The following SLC35D1 variants were observed in gnomAD, a reference collection of about 807,000 sequenced individuals.
The protein encoded by SLC35D1 is nucleotide sugar transporter SLC35D1.
In SLC35D1, 31 loss-of-function variants were observed where a neutral mutation model predicts 46.7. That is an observed-to-expected ratio of 0.66 (90% confidence interval 0.50 to 0.90). The LOEUF (loss-of-function observed/expected upper bound fraction) is 0.90, where lower values mean the gene tolerates loss of function less well. Ranked by LOEUF, SLC35D1 falls within the 40% of genes least tolerant of loss-of-function variation. SLC35D1 has a pLI of 0.00. For missense variants in SLC35D1, 397 were observed against 426.2 expected (o/e 0.93, Z 0.60); for synonymous variants, 195 against 164.6 (o/e 1.18, Z -1.41).
At chr1:66,975,284 T>G in the SLC35D1 span, among the ~76,000 whole-genome samples, 1 of 152,178 alleles carries the variant, frequency 6.6e-6, no homozygotes, top group Non-Finnish European at 1.5e-5. Flanking sequence ...CTCAGTACTT[T>G]GGGAGGTTGA....
the SLC35D1 span, among the ~76,000 whole-genome samples, chr1:66,979,846 C>T: frequency 6.6e-6 from 1 of 151,854 alleles, no homozygotes; most frequent in Non-Finnish European, 1.5e-5. Context: ...CTCACTGCAA[C>T]CTCCACCGCC....
At chr1:66,976,768 G>A in the SLC35D1 span, 1 of 1,429,520 alleles carries the variant, frequency 7.0e-7, no homozygotes, top group East Asian at 2.5e-5. Context: ...TTTTTGCTAA[G>A]CTTTTCTAGA....
chr1:66,985,011 A>G, the SLC35D1 span: 1 of 1,423,030 alleles, frequency 7.0e-7, no homozygotes, highest in East Asian at 2.6e-5. Context: ...TGAAAATTTG[A>G]ATTGAGTCTT....
the SLC35D1 span, chr1:66,976,539 A>C: frequency 6.5e-5 from 98 of 1,497,248 alleles, no homozygotes; most frequent in African/African-American, 1.2e-3. Flanking sequence ...GATGTTTATC[A>C]TGAAGTAACT....
At chr1:67,022,380 CCCTGTGGCTTATAAAACATA>C (rs1667825114) in intron 8 of SLC35D1, among the ~76,000 whole-genome samples, 1 of 152,178 alleles carries the variant, frequency 6.6e-6, no homozygotes, top group African/African-American at 2.4e-5. Context: ...ATACCAGGCT[CCCTGTGGCTTATAAAACATA>C]CCATACACTT....
the SLC35D1 span, among the ~76,000 whole-genome samples, chr1:66,977,683 A>G: frequency 3.1e-4 from 47 of 152,314 alleles, no homozygotes; most frequent in Admixed American, 2.0e-3. Flanking sequence ...TTTGTTACTT[A>G]AACAGAAAAG....
intron 5 of SLC35D1, 150 bp from the exon 6 acceptor site, chr1:67,050,000 T>C (rs1334699009): frequency 2.9e-6 from 2 of 679,448 alleles, no homozygotes; most frequent in Non-Finnish European, 5.1e-6. Flanking sequence ...AAGAACCCCT[T>C]TGATAAAGCA....
the SLC35D1 span, among the ~76,000 whole-genome samples, chr1:66,992,221 C>A: frequency 6.6e-6 from 1 of 152,124 alleles, no homozygotes. Context: ...TTTTCAGAGC[C>A]CTGTGGATTT....
At chr1:66,997,118 T>C (rs1014538782), downstream of SLC35D1, among the ~76,000 whole-genome samples, 2 of 152,090 alleles carry the variant, frequency 1.3e-5, no homozygotes, top group South Asian at 2.1e-4. Flanking sequence ...CTGGACTACA[T>C]ACAAATTTAG....
the SLC35D1 span, among the ~76,000 whole-genome samples, chr1:66,973,584 A>C: frequency 1.3e-5 from 2 of 152,032 alleles, no homozygotes; most frequent in Admixed American, 1.3e-4. Flanking sequence ...TTATACTCCA[A>C]ATAGCTTTAT....
At chr1:67,053,473 G>C (rs1645333550) in intron 1 of SLC35D1, among the ~76,000 whole-genome samples, 1 of 152,162 alleles carries the variant, frequency 6.6e-6, no homozygotes. Context: ...CTCCCTGATC[G>C]ACAGGCATAA....
chr1:67,010,892 T>C (rs1210139803), intron 10 of SLC35D1, among the ~76,000 whole-genome samples: 2 of 137,386 alleles, frequency 1.5e-5, no homozygotes, highest in Non-Finnish European at 3.2e-5. Context: ...GTGAGGGAAA[T>C]TTACATTTGT....
the SLC35D1 span, among the ~76,000 whole-genome samples, chr1:66,977,597 C>A: frequency 6.6e-6 from 1 of 151,954 alleles, no homozygotes; most frequent in African/African-American, 2.4e-5. Context: ...CTAATTTATT[C>A]CCATGTTAAG....
At chr1:66,992,656 T>C in the SLC35D1 span, among the ~76,000 whole-genome samples, 1 of 152,268 alleles carries the variant, frequency 6.6e-6, no homozygotes, top group African/African-American at 2.4e-5. Context: ...GGCTTAACCC[T>C]TGTCCAGTCA....
At chr1:66,975,374 A>C in the SLC35D1 span, among the ~76,000 whole-genome samples, 1 of 151,940 alleles carries the variant, frequency 6.6e-6, no homozygotes, top group Non-Finnish European at 1.5e-5. Flanking sequence ...AAAAAATAGA[A>C]AAATTACCTG....
chr1:66,986,133 GAA>G, the SLC35D1 span: 50 of 1,138,548 alleles, frequency 4.4e-5, no homozygotes, highest in Middle Eastern at 2.3e-3. Flanking sequence ...TTTATGAAGA[GAA>G]AGTGAAGTTT....
the SLC35D1 span, chr1:66,985,837 T>A: frequency 3.1e-4 from 195 of 630,314 alleles, no homozygotes; most frequent in African/African-American, 4.7e-4. Flanking sequence ...TTTTTTTTTT[T>A]AAATTTCTAC....
chr1:67,012,545 CAAAAA>C lies in SLC35D1; in HGVS notation c.877-3383_877-3379del, dbSNP rs10674963. ...GATCCTTTAAATTAGACTCCTAAAT[CAAAAA>C]AAAAAAAAAAAAAAAAAATTTAAGA... is the stretch of plus-strand genomic sequence containing the variant. On this transcript the variant is annotated intron_variant, in intron 10 of 11. Coordinates refer to ENST00000235345, the MANE Select transcript of SLC35D1 (RefSeq NM_015139.3). 3.3e-3 allele frequency among the ~76,000 whole-genome samples: 342 copies of C among 103,194 alleles called. 2 individuals are homozygous for C. Among genetic ancestry groups the C allele is most frequent in the African/African-American group, 9.2e-3 (278 of 30,172 alleles). The allele number at this position is 103,194 out of a possible 152,430, so 67.7% of individuals were successfully genotyped here. A position where few individuals can be genotyped will look rare whatever the true frequency, so the allele number is the denominator to read the frequency against.
chr1:67,017,185 G>A (rs1371996280), intron 10 of SLC35D1, among the ~76,000 whole-genome samples: 1 of 151,992 alleles, frequency 6.6e-6, no homozygotes, highest in Non-Finnish European at 1.5e-5. Context: ...ATACAAATAA[G>A]CAGGCCAAGT....
Sources: allele counts gnomAD v4.1 joint callset (sites outside exome capture counted in the v4.1 genomes callset), GRCh38; gene constraint gnomAD v4.1.1; transcripts MANE v1.5; gene names NCBI Gene and HGNC (gene_info 2026-07-23, HGNC 2026-07-21).